The following OSBPL10 variants were observed in gnomAD, a reference collection of about 807,000 sequenced individuals.
OSBPL10 encodes the protein oxysterol binding protein like 10, also known as oxysterol-binding protein-related protein 10.
A neutral mutation model predicts 81.7 loss-of-function variants in OSBPL10; 49 were observed. That is an observed-to-expected ratio of 0.60 (90% CI 0.48 to 0.76). OSBPL10 has a LOEUF of 0.76. Ranked by LOEUF, OSBPL10 falls within the 30% of genes least tolerant of loss-of-function variation. The pLI, the probability that OSBPL10 is intolerant of heterozygous loss-of-function variation, is 0.00. For synonymous variants in OSBPL10, 419 were observed against 383.6 expected (o/e 1.09, Z -1.08); for missense variants, 923 against 987.8 (o/e 0.93, Z 0.88).
At chr3:31,792,225 CAA>C (rs369733747) in intron 4 of OSBPL10, among the ~76,000 whole-genome samples, 6 of 133,686 alleles carry the variant, frequency 4.5e-5, no homozygotes, top group Non-Finnish European at 5.0e-5. Context: ...ACCCTGTCTC[CAA>C]AAAAAAAAAA....
At position 31,663,380 on chromosome 3, in the gene OSBPL10, G is replaced by C. The variant is rs1415198134; in HGVS notation, c.2250+699C>G. The stretch of plus-strand genomic sequence containing the variant: ...TCTTCATTGATGTTGCTGGGTTCCT[G>C]TGGGCCTGCTTTAAGACGTGTGGCT... On this transcript the variant is annotated intron_variant, in intron 11 of 11. Transcript: ENST00000396556. 20 of 986,068 alleles carry C rather than the reference G, an allele frequency of 2.0e-5. No individual in the cohort carries two copies. The East Asian group carries it at 1.8e-3, about 89-fold the overall frequency. 61.1% of individuals were successfully genotyped at this position (986,068 alleles called of 1,614,324 possible). A position where few individuals can be genotyped will look rare whatever the true frequency, so the allele number is the denominator to read the frequency against.
At chr3:32,053,732 G>C (rs1289615675) in intron 1 of OSBPL10, among the ~76,000 whole-genome samples, 3 of 152,168 alleles carry the variant, frequency 2.0e-5, no homozygotes, top group African/African-American at 7.2e-5. Context: ...CCAGCACTTT[G>C]TGAGGCTGAG....
chr3:31,684,474 C>T (rs1373631459), intron 7 of OSBPL10, among the ~76,000 whole-genome samples: 6 of 152,212 alleles, frequency 3.9e-5, no homozygotes, highest in Non-Finnish European at 7.3e-5. Flanking sequence ...CTGTATTCCC[C>T]CTGCCATCAG....
intron 5 of OSBPL10, among the ~76,000 whole-genome samples, chr3:31,744,747 C>T (rs187903755): frequency 6.6e-6 from 1 of 150,684 alleles, no homozygotes; most frequent in East Asian, 2.0e-4. Context: ...CTTTGTTCCC[C>T]TGGGCCCTTA....
intron 3 of OSBPL10, among the ~76,000 whole-genome samples, chr3:31,862,457 G>A (rs1701079554): frequency 6.6e-6 from 1 of 151,864 alleles, no homozygotes; most frequent in South Asian, 2.1e-4. Context: ...TAACTATCAT[G>A]AACAAATGCA....
At chr3:31,882,344 G>A (rs546773260) in intron 1 of OSBPL10, among the ~76,000 whole-genome samples, 32 of 152,212 alleles carry the variant, frequency 2.1e-4, no homozygotes, top group Non-Finnish European at 3.8e-4. Context: ...GTGGATAAAC[G>A]AAGACGCAAA....
rs527654786 is a variant in OSBPL10 at position 31,686,481 on chromosome 3, C to T, written c.1246-2367G>A. On this transcript the variant is annotated intron_variant, in intron 7 of 11. Transcript: ENST00000396556. ...AAAAGCAGCCAGATGTAAAATTGAA[C>T]ATGTAATACAATCCAAGAATCATAA... Among the ~76,000 whole-genome samples the T allele has an allele frequency of 4.6e-5, 7 of 152,266 alleles. No individual in the cohort carries two copies. In the South Asian group the frequency reaches 1.5e-3, roughly 32 times the overall value.
intron 4 of OSBPL10, among the ~76,000 whole-genome samples, chr3:31,763,963 G>A (rs1303616552): frequency 6.6e-6 from 1 of 152,170 alleles, no homozygotes; most frequent in Non-Finnish European, 1.5e-5. Flanking sequence ...TCCCCACTGG[G>A]TAAATGACAC....
chr3:31,838,508 CAAAAAAAAAAAAA>C (rs60893746), intron 3 of OSBPL10, among the ~76,000 whole-genome samples: 20 of 95,702 alleles, frequency 2.1e-4, no homozygotes, highest in Non-Finnish European at 2.2e-4. Context: ...AAGACTCTGT[CAAAAAAAAAAAAA>C]AAAAAAAAAA....
At chr3:31,995,770 C>T (rs961397105) in intron 2 of OSBPL10, among the ~76,000 whole-genome samples, 1 of 152,178 alleles carries the variant, frequency 6.6e-6, no homozygotes, top group African/African-American at 2.4e-5. Flanking sequence ...AGGCTCCAGC[C>T]GGTCCCTCCA....
At chr3:31,965,997 A>T (rs1048246606) in intron 1 of OSBPL10, among the ~76,000 whole-genome samples, 1 of 126,244 alleles carries the variant, frequency 7.9e-6, no homozygotes, top group Non-Finnish European at 1.6e-5. Context: ...TATAAAATAT[A>T]ATATATATAT....
intron 3 of OSBPL10, among the ~76,000 whole-genome samples, chr3:31,852,251 TC>T (rs1387044044): frequency 4.6e-5 from 7 of 152,052 alleles, no homozygotes; most frequent in Admixed American, 2.6e-4. Context: ...CTGTGCTCCT[TC>T]CCCTCCCCCA....
chr3:31,908,481 C>G (rs1396824112), intron 1 of OSBPL10, among the ~76,000 whole-genome samples: 2 of 152,162 alleles, frequency 1.3e-5, no homozygotes, highest in Non-Finnish European at 2.9e-5. Context: ...TTCTCTTGCA[C>G]CTGCAGCCTG....
intron 2 of OSBPL10, among the ~76,000 whole-genome samples, chr3:32,043,190 T>G (rs948141597): frequency 1.3e-5 from 2 of 152,104 alleles, no homozygotes; most frequent in Admixed American, 6.5e-5. Context: ...TTCCCCAGGG[T>G]ATTAATTATT....
intron 4 of OSBPL10, chr3:31,822,097 G>A (rs1699994208): frequency 6.6e-6 from 1 of 152,200 alleles, no homozygotes; most frequent in South Asian, 2.1e-4. Context: ...ACATAGGTGA[G>A]ATGACATAAA....
intron 6 of OSBPL10, among the ~76,000 whole-genome samples, chr3:31,715,790 T>C (rs1696412576): frequency 6.6e-6 from 1 of 152,254 alleles, no homozygotes; most frequent in Non-Finnish European, 1.5e-5. Context: ...GTTGAAATCA[T>C]TATTGACTTA....
rs1698828260 is a variant in OSBPL10, at chr3:31,981,092, A to T, written c.88T>A (p.Ser30Thr). 2.7e-6 allele frequency: 4 copies of T among 1,492,304 alleles called. No individual in the cohort carries two copies. Among genetic ancestry groups the T allele is most frequent in the Non-Finnish European group, 3.6e-6 (4 of 1,125,632 alleles). 92.4% of individuals were successfully genotyped at this position (1,492,304 alleles called of 1,614,324 possible). ...CGGCCCGCCAGAGAGCAGGAGGGCG[A>T]GGAGCCCGCCGAGGTAGCACGGCTG... ...SSSRATSAGS[S>T]PSCSLAGRGV... The change falls in exon 1 of 12, where the codon TCG (serine) becomes ACG (threonine). Residue 30 changes from serine (S) to threonine (T), a missense_variant. Coordinates refer to ENST00000396556, the MANE Select transcript of OSBPL10 (RefSeq NM_017784.5). This position sits in a 1 kb window ranked among gnomAD's most constrained non-coding sequence, Gnocchi z 4.5.
intron 5 of OSBPL10, among the ~76,000 whole-genome samples, chr3:31,740,653 A>G (rs1377619701): frequency 6.6e-6 from 1 of 152,000 alleles, no homozygotes; most frequent in Non-Finnish European, 1.5e-5. Flanking sequence ...CTGCAGTCCC[A>G]GCTCTCAGGA....
intron 4 of OSBPL10, among the ~76,000 whole-genome samples, chr3:31,802,965 GTCC>G (rs1434921068): frequency 2.6e-5 from 3 of 115,826 alleles, no homozygotes; most frequent in African/African-American, 9.3e-5. Context: ...ATGGTATTGG[GTCC>G]TTTTTTTTTT....
Sources: allele counts gnomAD v4.1 joint callset (sites outside exome capture counted in the v4.1 genomes callset), GRCh38; gene constraint gnomAD v4.1.1; non-coding constraint Gnocchi (gnomAD v3.1); transcripts MANE v1.5; gene names NCBI Gene and HGNC (gene_info 2026-07-23, HGNC 2026-07-21).